The following PPFIA1 variants were observed in gnomAD, a reference collection of about 807,000 sequenced individuals.
PPFIA1 encodes PPFI scaffold protein A1.
Under a neutral mutation model 149.9 loss-of-function variants are expected in PPFIA1, and 25 were observed. The observed-to-expected ratio is 0.17, with a 90% CI of 0.12 to 0.23. The LOEUF (loss-of-function observed/expected upper bound fraction) is 0.23. Ranked by LOEUF, PPFIA1 falls within the 10% of genes least tolerant of loss-of-function variation. The pLI, the probability that PPFIA1 is intolerant of heterozygous loss-of-function variation, is 1.00. For missense variants in PPFIA1, 1,362 were observed against 1,506.5 expected (o/e 0.90, Z 1.59); for synonymous variants, 549 against 552.8 (o/e 0.99, Z 0.10).
chr11:70,352,311 G>T (rs919066090), intron 16 of PPFIA1, among the ~76,000 whole-genome samples: 23 of 152,208 alleles, frequency 1.5e-4, no homozygotes, highest in African/African-American at 3.4e-4. Flanking sequence ...TGGACCTGTG[G>T]CTGTCTGTGG....
In PPFIA1 at chr11:70,354,382, C is replaced by G. The variant is rs565265508; in HGVS notation, c.2245C>G (p.Leu749Val). The change falls in exon 17 of 28, where the codon CTT becomes GTT. Residue 749 changes from leucine (L) to valine (V), a missense_variant. Physicochemically the swap from Leu to Val is conservative, Grantham distance 32. Coordinates refer to ENST00000253925, the MANE Select transcript of PPFIA1 (RefSeq NM_003626.5). Reference sequence around the variant, plus strand: ...CTCCCCGCCTTCCTCCCCGAGAGCCCTTCGGTTAGACCGGCTGCACAAAGG... The same window carrying G: ...CTCCCCGCCTTCCTCCCCGAGAGCCGTTCGGTTAGACCGGCTGCACAAAGG... ...ETSPPSSPRA[L>V]RLDRLHKGAL... The G allele has an allele frequency of 6.2e-7, 1 of 1,614,092 alleles. No individual in the cohort carries two copies. Among genetic ancestry groups the G allele is most frequent in the East Asian group, 2.2e-5 (1 of 44,856 alleles).
chr11:70,323,671 T>TACTC (rs1015017048), intron 2 of PPFIA1, among the ~76,000 whole-genome samples: 1 of 152,364 alleles, frequency 6.6e-6, no homozygotes, highest in Non-Finnish European at 1.5e-5. Flanking sequence ...TGTGAACCCT[T>TACTC]AGAACGATCT....
In PPFIA1 at chr11:70,326,295, A is replaced by G; in HGVS notation, c.640A>G (p.Lys214Glu). Residue 214 changes from lysine (K) to glutamate (E), a missense_variant, in exon 6 of 28, where the codon AAA becomes GAA. Coordinates refer to ENST00000253925, the MANE Select transcript of PPFIA1 (RefSeq NM_003626.5). ...MILKEQNNQK[K>E]TLTDGVLDIN... ...TCTTAAAGAACAGAATAATCAGAAA[A>G]AAACTCTAACAGATGGAGTGCTGGA... 2 of 1,608,228 alleles carry G rather than the reference A, an allele frequency of 1.2e-6. No individual in the cohort carries two copies. Among genetic ancestry groups the G allele is most frequent in the Non-Finnish European group, 1.7e-6 (2 of 1,176,486 alleles).
rs764016850 is a variant in PPFIA1 at position 70,362,156 on chromosome 11, A to T, written c.2644A>T (p.Thr882Ser). Residue 882 changes from threonine (T) to serine (S), a missense_variant, in exon 20 of 28, where the codon ACG becomes TCG. Physicochemically the swap from Thr to Ser is moderately conservative, Grantham distance 58. Transcript: ENST00000253925. ...GLPFAQWDGP[T>S]VVVWLELWVG... ...ACCTTTTGCCCAATGGGACGGGCCAACGGTTGTGGTCTGGCTAGAGGTACA... is the reference window on the plus strand; with the variant it reads ...ACCTTTTGCCCAATGGGACGGGCCATCGGTTGTGGTCTGGCTAGAGGTACA... The T allele has an allele frequency of 6.2e-7, 1 of 1,614,252 alleles. No individual in the cohort carries two copies. The highest frequency in any genetic ancestry group is 8.5e-7 in the Non-Finnish European group (1 of 1,180,048).
chr11:70,288,101 G>GTTTTTTTTTTTTT (rs2051274999), intron 2 of PPFIA1, among the ~76,000 whole-genome samples: 1 of 147,084 alleles, frequency 6.8e-6, no homozygotes. Context: ...TTGAGACGGA[G>GTTTTTTTTTTTTT]TCTTGCTCTG....
At chr11:70,333,716 C>T (rs755659624) in intron 10 of PPFIA1, among the ~76,000 whole-genome samples, 163 bp downstream of exon 10, 14 of 152,176 alleles carry the variant, frequency 9.2e-5, no homozygotes, top group Non-Finnish European at 2.1e-4. Context: ...GAGTCGCCTG[C>T]TAATGCGTAC....
intron 15 of PPFIA1, among the ~76,000 whole-genome samples, chr11:70,344,129 T>C (rs1280942787): frequency 3.9e-5 from 6 of 152,234 alleles, no homozygotes; most frequent in Non-Finnish European, 7.3e-5. Context: ...CTGTAGGACA[T>C]TGTGGGACCT....
intron 2 of PPFIA1, among the ~76,000 whole-genome samples, chr11:70,299,354 G>A (rs2052315926): frequency 1.3e-5 from 2 of 152,146 alleles, no homozygotes; most frequent in African/African-American, 2.4e-5. Flanking sequence ...TGTTAATACC[G>A]TGCTTCTGCT....
intron 2 of PPFIA1, among the ~76,000 whole-genome samples, chr11:70,284,501 CAG>C: frequency 6.6e-6 from 1 of 152,156 alleles, no homozygotes; most frequent in South Asian, 2.1e-4. Flanking sequence ...GTGGTAGAGA[CAG>C]GGTCTCTGCC....
chr11:70,318,059 C>T (rs947380681), intron 2 of PPFIA1, among the ~76,000 whole-genome samples: 9 of 152,094 alleles, frequency 5.9e-5, no homozygotes, highest in Non-Finnish European at 1.0e-4. Flanking sequence ...CACTTCATTG[C>T]GCTTACCTGG....
At chr11:70,366,330 G>T (rs1350111068) in intron 21 of PPFIA1, among the ~76,000 whole-genome samples, 3 of 152,198 alleles carry the variant, frequency 2.0e-5, no homozygotes, top group African/African-American at 7.2e-5. Flanking sequence ...TAGGGAAATT[G>T]TGCTCTAATA....
chr11:70,346,412 G>A (rs1240135955), intron 15 of PPFIA1, among the ~76,000 whole-genome samples: 1 of 152,094 alleles, frequency 6.6e-6, no homozygotes, highest in Non-Finnish European at 1.5e-5. Flanking sequence ...ATCAACAAGA[G>A]CTGTGTTACT....
chr11:70,336,733 C>T (rs1013649612), intron 11 of PPFIA1, among the ~76,000 whole-genome samples: 45 of 152,260 alleles, frequency 3.0e-4, no homozygotes, highest in African/African-American at 9.6e-4. Flanking sequence ...GAATCTGTGT[C>T]GGAGAAGCTC....
chr11:70,319,397 A>G (rs543032062), intron 2 of PPFIA1, among the ~76,000 whole-genome samples: 2 of 152,234 alleles, frequency 1.3e-5, no homozygotes, highest in Middle Eastern at 6.8e-3. Flanking sequence ...TCCTTTGAAA[A>G]CGGGTGAAGG....
At chr11:70,288,360 G>A (rs1338623866) in intron 2 of PPFIA1, among the ~76,000 whole-genome samples, 3 of 152,100 alleles carry the variant, frequency 2.0e-5, no homozygotes, top group Admixed American at 6.6e-5. Context: ...ATCAGCCACC[G>A]CGCCCGGCCT....
rs868030621 is a variant in PPFIA1 at position 70,382,517 on chromosome 11, T to C, written c.*12+359T>C. Among the ~76,000 whole-genome samples the C allele has an allele frequency of 2.6e-5, 4 of 152,262 alleles. No individual in the cohort carries two copies. The Middle Eastern group carries it at 0.01, about 388-fold the overall frequency. The stretch of plus-strand genomic sequence containing the variant: ...AGAGTCTCTCCTCCTGACGTCGTTA[T>C]GCACATTGCTGTGATTCCTAAGCTT... On this transcript the variant is annotated intron_variant, in intron 27 of 27. Transcript: ENST00000253925.
At chr11:70,358,149 C>T (rs1179184502) in intron 19 of PPFIA1, 1 of 152,158 alleles carries the variant, frequency 6.6e-6, no homozygotes, top group Non-Finnish European at 1.5e-5. Context: ...GATTATTTGT[C>T]TGACTATAGA....
chr11:70,295,862 G>A (rs547355379), intron 2 of PPFIA1, among the ~76,000 whole-genome samples: 3 of 149,944 alleles, frequency 2.0e-5, no homozygotes, highest in African/African-American at 2.5e-5. Flanking sequence ...GCTGCTGGGC[G>A]GAGGGGCTCC....
At chr11:70,343,980 A>G (rs1020602937) in intron 15 of PPFIA1, 88 bp downstream of exon 15, 9 of 1,146,676 alleles carry the variant, frequency 7.8e-6, no homozygotes, top group East Asian at 7.7e-5. Flanking sequence ...ATGAAATACT[A>G]TTAACATTTT....
Sources: gnomAD v4.1 joint callset for allele counts (sites outside exome capture counted in the v4.1 genomes callset) on GRCh38, gnomAD v4.1.1 for gene constraint, MANE v1.5 for transcripts, NCBI Gene and HGNC (gene_info 2026-07-23, HGNC 2026-07-21) for gene names.